The following EPHA5 variants were observed in gnomAD, a reference collection of about 807,000 sequenced individuals.
EPHA5 encodes the protein EPH receptor A5, also known as ephrin type-A receptor 5.
Under a neutral mutation model 105.0 loss-of-function variants are expected in EPHA5, and 60 were observed. The ratio of observed to expected loss-of-function variants is 0.57; its 90% confidence interval spans 0.46 to 0.71. The LOEUF is 0.71. EPHA5 is among the 30% of genes least tolerant of loss of function. The pLI is 0.00. For missense variants in EPHA5, 1,218 were observed against 1,274.7 expected (o/e 0.96, Z 0.68); for synonymous variants, 513 against 449.1 (o/e 1.14, Z -1.80).
chr4:65,487,994 G>T (rs1005019746), intron 5 of EPHA5, among the ~76,000 whole-genome samples: 3 of 152,110 alleles, frequency 2.0e-5, no homozygotes, highest in African/African-American at 7.2e-5. Context: ...ATCTTATTTT[G>T]ATGTTTTGGG....
At chr4:65,346,762 A>G (rs576769462) in intron 14 of EPHA5, among the ~76,000 whole-genome samples, 24 of 152,154 alleles carry the variant, frequency 1.6e-4, no homozygotes, top group Non-Finnish European at 3.1e-4. Context: ...GAATCTACAA[A>G]GAACTTAAAC....
intron 5 of EPHA5, among the ~76,000 whole-genome samples, chr4:65,471,940 C>T (rs1222795850): frequency 6.6e-6 from 1 of 152,024 alleles, no homozygotes; most frequent in African/African-American, 2.4e-5. Flanking sequence ...CTCAACAGTC[C>T]CCCCAAATCT....
chr4:65,578,688 C>A (rs971144223), intron 3 of EPHA5, among the ~76,000 whole-genome samples: 4 of 152,052 alleles, frequency 2.6e-5, no homozygotes, highest in Admixed American at 2.0e-4. Context: ...GACGAGAGTA[C>A]CGAAAGGACA....
In EPHA5 at chr4:65,573,526, C is replaced by T. The variant is rs1411063926; in HGVS notation, c.910+28115G>A. The stretch of plus-strand genomic sequence containing the variant: ...AAACCCGAAGCCAAGAAGACTGATG[C>T]TGGTGGCAAGGTGAAAAAGGGTAAC... On this transcript the variant is annotated intron_variant, in intron 3 of 16. Transcript: ENST00000613740. 6.3e-6 allele frequency: 10 copies of T among 1,597,130 alleles called. No homozygotes were observed. In the Admixed American group the frequency reaches 1.2e-4, roughly 19 times the overall value.
At chr4:65,521,294 T>C (rs1393456776) in intron 3 of EPHA5, among the ~76,000 whole-genome samples, 4 of 152,098 alleles carry the variant, frequency 2.6e-5, no homozygotes, top group African/African-American at 7.2e-5. Flanking sequence ...AAACACAGCA[T>C]GTTCTCACTC....
intron 2 of EPHA5, among the ~76,000 whole-genome samples, chr4:65,628,716 T>C (rs185569618): frequency 6.6e-5 from 10 of 152,320 alleles, no homozygotes; most frequent in Admixed American, 2.0e-4. Context: ...ATTATACTCA[T>C]GGTTATGTCT....
intron 1 of EPHA5, among the ~76,000 whole-genome samples, chr4:65,669,257 T>C (rs1028523730): frequency 6.6e-6 from 1 of 151,200 alleles, no homozygotes; most frequent in Non-Finnish European, 1.5e-5. Context: ...GGAACGGGCC[T>C]CCATTCCCCA....
intron 3 of EPHA5, among the ~76,000 whole-genome samples, chr4:65,599,455 C>T (rs1743498043): frequency 6.6e-6 from 1 of 151,986 alleles, no homozygotes; most frequent in Non-Finnish European, 1.5e-5. Flanking sequence ...AAAGCAAGCC[C>T]TCAAGATGTA....
At position 65,384,840 on chromosome 4, in the gene EPHA5, A is replaced by G. The variant is rs184644643; in HGVS notation, c.1794-17416T>C. ...GTGTTGATATACAACATACTGAATC[A>G]TGTTTCTTACTCCTGCAGAACGATG... On this transcript the variant is annotated intron_variant, in intron 8 of 16. Coordinates refer to ENST00000613740, the MANE Select transcript of EPHA5 (RefSeq NM_001281766.3). Among the ~76,000 whole-genome samples the G allele has an allele frequency of 2.5e-3, 384 of 151,960 alleles. 1 individual carries two copies. Among genetic ancestry groups the G allele is most frequent in the Non-Finnish European group, 3.8e-3 (257 of 67,892 alleles).
chr4:65,359,596 T>C (rs536015622), intron 11 of EPHA5, among the ~76,000 whole-genome samples: 1 of 151,598 alleles, frequency 6.6e-6, no homozygotes. Context: ...ATAGTTATCA[T>C]TGACTCCTCA....
chr4:65,633,064 G>A (rs148974553), intron 2 of EPHA5, among the ~76,000 whole-genome samples: 19 of 152,074 alleles, frequency 1.2e-4, no homozygotes, highest in African/African-American at 4.1e-4. Context: ...ATTTCAGGTT[G>A]AGCAGTTTGG....
rs1026100308 is a variant in EPHA5 at position 65,669,859 on chromosome 4, C to G, written c.-117G>C. On this transcript the variant is annotated 5_prime_UTR_variant, in exon 1 of 17. Transcript: ENST00000613740. ...CCTTGTCCCCCCTTGGGGTCCTACG[C>G]CTTCTGGCACGCGGCTCCTCCAAAT... is the stretch of plus-strand genomic sequence containing the variant. The G allele has an allele frequency of 1.2e-4, 152 of 1,224,476 alleles. No individual in the cohort carries two copies. The highest frequency in any genetic ancestry group is 1.3e-4 in the Non-Finnish European group (127 of 981,998). The allele number at this position is 1,224,476 out of a possible 1,614,324, so 75.9% of individuals were successfully genotyped here. A position where few individuals can be genotyped will look rare whatever the true frequency, so the allele number is the denominator to read the frequency against.
intron 2 of EPHA5, among the ~76,000 whole-genome samples, chr4:65,604,728 T>TAAA (rs11374403): frequency 1.4e-5 from 2 of 144,070 alleles, no homozygotes; most frequent in South Asian, 2.2e-4. Context: ...ATCAGGTATG[T>TAAA]AAAAAAAAAA....
At chr4:65,467,595 ATCAG>A (rs1252980657) in intron 5 of EPHA5, among the ~76,000 whole-genome samples, 1 of 152,206 alleles carries the variant, frequency 6.6e-6, no homozygotes, top group Non-Finnish European at 1.5e-5. Flanking sequence ...GCCATCCTAA[ATCAG>A]TCAGTGTGCT....
At chr4:65,625,226 A>G (rs966048107) in intron 2 of EPHA5, among the ~76,000 whole-genome samples, 3 of 152,196 alleles carry the variant, frequency 2.0e-5, no homozygotes, top group African/African-American at 7.2e-5. Flanking sequence ...TGAATGGAAT[A>G]ATAGACTGAG....
chr4:65,499,792 C>A (rs1732296038), intron 3 of EPHA5, among the ~76,000 whole-genome samples: 1 of 150,956 alleles, frequency 6.6e-6, no homozygotes, highest in Non-Finnish European at 1.5e-5. Flanking sequence ...GCATTCTGGG[C>A]CAAAAGACAA....
At chr4:65,353,431 T>C (rs989537806) in intron 11 of EPHA5, among the ~76,000 whole-genome samples, 1 of 150,760 alleles carries the variant, frequency 6.6e-6, no homozygotes, top group African/African-American at 2.4e-5. Flanking sequence ...GATATGATGA[T>C]ATCTTAGTGT....
chr4:65,540,340 C>A lies in EPHA5; in HGVS notation c.911-44797G>T, dbSNP rs959686059. Reference sequence around the variant, plus strand: ...GTATGCTTTATATGAACAATGAGATCTGACACCAGCCTAACTCTGTCACTG... The same window carrying A: ...GTATGCTTTATATGAACAATGAGATATGACACCAGCCTAACTCTGTCACTG... On this transcript the variant is annotated intron_variant, in intron 3 of 16. Transcript: ENST00000613740. Among the ~76,000 whole-genome samples the A allele has an allele frequency of 2.0e-5, 3 of 151,436 alleles. No homozygotes were observed. The Admixed American group carries it at 2.0e-4, about 10-fold the overall frequency.
At chr4:65,385,598 T>C (rs1257123701) in intron 8 of EPHA5, among the ~76,000 whole-genome samples, 2 of 151,840 alleles carry the variant, frequency 1.3e-5, no homozygotes, top group African/African-American at 2.4e-5. Context: ...AAATCACATA[T>C]TATAATAGTT....
Sources: gnomAD v4.1 joint callset for allele counts (sites outside exome capture counted in the v4.1 genomes callset) on GRCh38, gnomAD v4.1.1 for gene constraint, MANE v1.5 for transcripts, NCBI Gene and HGNC (gene_info 2026-07-23, HGNC 2026-07-21) for gene names.